The following CDH4 variants were observed in gnomAD, a reference collection of about 807,000 sequenced individuals.
CDH4 encodes the protein cadherin-4.
Under a neutral mutation model 86.0 loss-of-function variants are expected in CDH4, and 33 were observed. The observed-to-expected ratio is 0.38, with a 90% CI of 0.29 to 0.51. CDH4 has a LOEUF of 0.51. CDH4 is among the 20% of genes least tolerant of loss of function. CDH4 has a pLI of 0.86. For synonymous variants in CDH4, 555 were observed against 549.4 expected (o/e 1.01, Z -0.14); for missense variants, 1,114 against 1,307.4 (o/e 0.85, Z 2.28).
intron 2 of CDH4, among the ~76,000 whole-genome samples, chr20:61,362,511 G>A (rs1175536393): frequency 6.6e-6 from 1 of 151,704 alleles, no homozygotes; most frequent in African/African-American, 2.4e-5. Flanking sequence ...GTAGTGGAGA[G>A]CGGAGACGTG....
chr20:61,643,884 A>C (rs2087035858), intron 2 of CDH4, among the ~76,000 whole-genome samples: 1 of 152,236 alleles, frequency 6.6e-6, no homozygotes, highest in South Asian at 2.1e-4. Flanking sequence ...ACATGAGTCC[A>C]GAAAAAAATA....
chr20:61,314,190 T>G (rs992628730), intron 2 of CDH4, among the ~76,000 whole-genome samples: 1 of 152,244 alleles, frequency 6.6e-6, no homozygotes, highest in African/African-American at 2.4e-5. Flanking sequence ...TTGCTACCCC[T>G]GGTCTCTGAG....
chr20:61,565,107 G>GTGT (rs2086259119), intron 2 of CDH4, among the ~76,000 whole-genome samples: 11 of 121,550 alleles, frequency 9.0e-5, no homozygotes, highest in Non-Finnish European at 1.3e-4. Context: ...GGTGCTCTTG[G>GTGT]TGGTGCTGGT....
intron 8 of CDH4, among the ~76,000 whole-genome samples, chr20:61,897,559 C>A (rs1198833940): frequency 1.3e-5 from 2 of 152,206 alleles, no homozygotes; most frequent in Non-Finnish European, 2.9e-5. Flanking sequence ...ACTGACCAGC[C>A]ACCCCCACTG....
chr20:61,650,592 A>G (rs1055033518), intron 2 of CDH4, among the ~76,000 whole-genome samples: 5 of 152,332 alleles, frequency 3.3e-5, no homozygotes, highest in African/African-American at 1.2e-4. Flanking sequence ...GGCCCTGTGC[A>G]CAGCCAGGAG....
chr20:61,689,163 T>C lies in CDH4; in HGVS notation c.170-54400T>C, dbSNP rs115448797. 7.6e-3 allele frequency among the ~76,000 whole-genome samples: 1,157 copies of C among 152,304 alleles called. 16 individuals carry two copies. Among genetic ancestry groups the C allele is most frequent in the African/African-American group, 0.024 (1,004 of 41,556 alleles). The stretch of plus-strand genomic sequence containing the variant: ...AAGTAACGCAGTTGGGCAGGGACAT[T>C]GTTTGGTGAGGTGATGTGGAATCAG... On this transcript the variant is annotated intron_variant, in intron 2 of 15. Transcript: ENST00000614565.
At chr20:61,375,308 G>A (rs2084860849) in intron 2 of CDH4, among the ~76,000 whole-genome samples, 1 of 152,182 alleles carries the variant, frequency 6.6e-6, no homozygotes, top group Admixed American at 6.5e-5. Context: ...TAGCAGTGCT[G>A]ATGGAGGTGA....
chr20:61,655,687 G>C (rs2087179600), intron 2 of CDH4, among the ~76,000 whole-genome samples: 1 of 152,166 alleles, frequency 6.6e-6, no homozygotes, highest in African/African-American at 2.4e-5. Flanking sequence ...AGCTCTGAAA[G>C]CAGCCTCCGT....
At chr20:61,875,381 T>C (rs945535524) in intron 7 of CDH4, among the ~76,000 whole-genome samples, 11 of 151,430 alleles carry the variant, frequency 7.3e-5, no homozygotes, top group Non-Finnish European at 1.5e-4. Context: ...GAAGGCGAGG[T>C]GGCCGCCGGG....
intron 6 of CDH4, among the ~76,000 whole-genome samples, chr20:61,861,024 GAAGAGC>G (rs1983298580): frequency 6.6e-6 from 1 of 152,216 alleles, no homozygotes; most frequent in Admixed American, 6.5e-5. Flanking sequence ...GACCTTTTGA[GAAGAGC>G]AAGCAACAGA....
intron 2 of CDH4, among the ~76,000 whole-genome samples, chr20:61,305,766 A>G (rs1316267573): frequency 1.3e-5 from 2 of 152,206 alleles, no homozygotes; most frequent in Admixed American, 6.5e-5. Context: ...TGTCATTTTC[A>G]TGAAAGATGC....
chr20:61,285,363 C>T (rs1293476652), intron 2 of CDH4, among the ~76,000 whole-genome samples: 1 of 149,558 alleles, frequency 6.7e-6, no homozygotes, highest in Non-Finnish European at 1.5e-5. Context: ...ATCGAACCCA[C>T]AGCTGCCTGC....
chr20:61,648,006 G>A (rs2087083351), intron 2 of CDH4, among the ~76,000 whole-genome samples: 1 of 152,190 alleles, frequency 6.6e-6, no homozygotes, highest in Non-Finnish European at 1.5e-5. Flanking sequence ...ACTGCTGGGT[G>A]CCAGGACAGA....
chr20:61,532,199 G>A (rs6061609), intron 2 of CDH4, among the ~76,000 whole-genome samples: 41,338 of 152,136 alleles, frequency 0.27, 7,950 homozygotes, highest in African/African-American at 0.53. Context: ...CACAAAAGGG[G>A]CCACCCAGGA....
At chr20:61,630,607 G>A (rs1233211564) in intron 2 of CDH4, among the ~76,000 whole-genome samples, 2 of 152,120 alleles carry the variant, frequency 1.3e-5, no homozygotes, top group East Asian at 3.9e-4. Flanking sequence ...CTCCTCTTGG[G>A]GAAGAAGTCA....
chr20:61,558,767 A>G (rs1427223000), intron 2 of CDH4, among the ~76,000 whole-genome samples: 2 of 152,218 alleles, frequency 1.3e-5, no homozygotes, highest in Non-Finnish European at 2.9e-5. Flanking sequence ...TAGTAACAAG[A>G]AGTCATTGCC....
intron 8 of CDH4, among the ~76,000 whole-genome samples, chr20:61,898,649 C>G (rs2122882918): frequency 6.6e-6 from 1 of 152,338 alleles, no homozygotes; most frequent in Non-Finnish European, 1.5e-5. Context: ...GGAAGCCCAG[C>G]CCTGGCCCCA....
intron 9 of CDH4, among the ~76,000 whole-genome samples, chr20:61,912,770 C>A (rs2054863714): frequency 6.6e-6 from 1 of 152,130 alleles, no homozygotes; most frequent in Non-Finnish European, 1.5e-5. Context: ...ACAGCCGGCC[C>A]CCCAGTGGCA....
intron 2 of CDH4, among the ~76,000 whole-genome samples, chr20:61,603,579 C>T (rs2086619821): frequency 6.6e-6 from 1 of 152,206 alleles, no homozygotes; most frequent in African/African-American, 2.4e-5. Context: ...CAGAAGGGCC[C>T]ATCCCGGGCC....
Sources: allele counts gnomAD v4.1 joint callset (sites outside exome capture counted in the v4.1 genomes callset), GRCh38; gene constraint gnomAD v4.1.1; transcripts MANE v1.5; gene names NCBI Gene and HGNC (gene_info 2026-07-23, HGNC 2026-07-21).